Variants in GLIS3 observed in about 807,000 individuals in gnomAD.
GLIS3 encodes the protein GLIS family zinc finger 3.
Under a neutral mutation model 78.6 loss-of-function variants are expected in GLIS3, and 53 were observed. That is an observed-to-expected ratio of 0.67 (90% CI 0.54 to 0.85). GLIS3 has a LOEUF of 0.85. Among genes scored for constraint, GLIS3 ranks in the 40% least tolerant of loss-of-function variants. The probability of loss-of-function intolerance (pLI) is 0.00; values close to 1 mark genes in which losing one functional copy is unlikely to be tolerated. For missense variants in GLIS3, 1,703 were observed against 1,231.1 expected (o/e 1.38, Z -5.74); for synonymous variants, 684 against 509.9 (o/e 1.34, Z -4.60).
At chr9:3,940,788 C>G (rs1251623811) in intron 4 of GLIS3, among the ~76,000 whole-genome samples, 2 of 152,140 alleles carry the variant, frequency 1.3e-5, no homozygotes, top group African/African-American at 4.8e-5. Context: ...TATTCCATAC[C>G]AAGCTCCTTG....
upstream of GLIS3, among the ~76,000 whole-genome samples, chr9:4,304,983 A>C (rs1439072516): frequency 2.0e-5 from 3 of 152,218 alleles, no homozygotes; most frequent in Non-Finnish European, 4.4e-5. Flanking sequence ...CCCGGGTAAG[A>C]GTGTTGACTT....
At chr9:4,056,807 G>T (rs1184828447) in intron 4 of GLIS3, among the ~76,000 whole-genome samples, 1 of 151,624 alleles carries the variant, frequency 6.6e-6, no homozygotes, top group East Asian at 1.9e-4. Context: ...AAATATTAAT[G>T]GATAGGGAAA....
rs879335718 is a variant in GLIS3 at position 4,026,527 on chromosome 9, A to AATCT, written c.1711-89342_1711-89339dup. On this transcript the variant is annotated intron_variant, in intron 4 of 10. Coordinates refer to ENST00000381971, the MANE Select transcript of GLIS3 (RefSeq NM_001042413.2). ...GAGATGACCCAAAAAGGAGGAAAAA[A>AATCT]ATCTATCTATCTATCTATCTAAGTA... Among the ~76,000 whole-genome samples, 297 of 152,290 alleles carry AATCT rather than the reference A, an allele frequency of 2.0e-3. 1 individual carries two copies. Among genetic ancestry groups the AATCT allele is most frequent in the African/African-American group, 5.5e-3 (230 of 41,542 alleles).
In GLIS3 at chr9:3,857,872, TG is replaced by T. The variant is rs577043030; in HGVS notation, c.2298-1689del. The stretch of plus-strand genomic sequence containing the variant: ...GATTCCTCATATGAAGGCTATTTTC[TG>T]GGGGAACGTGTTTTTAACGTGTCTT... On this transcript the variant is annotated intron_variant, in intron 8 of 10. Coordinates refer to ENST00000381971, the MANE Select transcript of GLIS3 (RefSeq NM_001042413.2). Among the ~76,000 whole-genome samples the T allele has an allele frequency of 2.0e-4, 31 of 152,294 alleles. No individual in the cohort carries two copies. In the East Asian group the frequency reaches 5.8e-3, roughly 28 times the overall value.
At chr9:4,139,393 G>A (rs1048073511) in intron 2 of GLIS3, among the ~76,000 whole-genome samples, 9 of 152,190 alleles carry the variant, frequency 5.9e-5, no homozygotes, top group Admixed American at 1.3e-4. Flanking sequence ...TCAAGGCCAC[G>A]AATCAAATTG....
intron 4 of GLIS3, among the ~76,000 whole-genome samples, chr9:4,073,669 T>G (rs968299465): frequency 6.6e-6 from 1 of 152,202 alleles, no homozygotes; most frequent in Non-Finnish European, 1.5e-5. Flanking sequence ...TCCCTAACCC[T>G]GACCAGGACA....
chr9:4,010,757 T>C (rs1821938136), intron 4 of GLIS3, among the ~76,000 whole-genome samples: 1 of 152,186 alleles, frequency 6.6e-6, no homozygotes, highest in Non-Finnish European at 1.5e-5. Flanking sequence ...TTCTAATAGT[T>C]CTGTAAGGCA....
intron 2 of GLIS3, among the ~76,000 whole-genome samples, chr9:4,247,204 A>G (rs1017204659): frequency 2.0e-5 from 3 of 152,212 alleles, no homozygotes. Flanking sequence ...AACTACTTGA[A>G]TTCTCTTAAT....
intron 4 of GLIS3, among the ~76,000 whole-genome samples, chr9:4,012,978 G>T (rs1424024362): frequency 6.6e-6 from 1 of 151,782 alleles, no homozygotes; most frequent in Non-Finnish European, 1.5e-5. Context: ...TTGCCATGTT[G>T]GCCAGGCTGG....
chr9:4,330,404 T>C (rs1162966332), intron 2 of GLIS3, among the ~76,000 whole-genome samples: 1 of 152,262 alleles, frequency 6.6e-6, no homozygotes, highest in Non-Finnish European at 1.5e-5. Context: ...CTGATGCTAT[T>C]GGTCCAAGGA....
intron 9 of GLIS3, among the ~76,000 whole-genome samples, chr9:3,836,848 T>G (rs1818383486): frequency 6.6e-6 from 1 of 152,186 alleles, no homozygotes; most frequent in African/African-American, 2.4e-5. Context: ...TCCATACTTC[T>G]GCTGTTCGTC....
chr9:4,280,567 C>G (rs924928298), intron 2 of GLIS3, among the ~76,000 whole-genome samples: 2 of 152,006 alleles, frequency 1.3e-5, no homozygotes, highest in Non-Finnish European at 2.9e-5. Context: ...CCAGATCAAA[C>G]TTTAAAAAAT....
intron 4 of GLIS3, among the ~76,000 whole-genome samples, chr9:3,953,762 T>TCG (rs1563886228): frequency 1.6e-4 from 11 of 70,738 alleles, no homozygotes; most frequent in Admixed American, 3.2e-4. Context: ...TTAGATTTGC[T>TCG]CTCTCTCTCT....
chr9:4,393,901 A>G, the GLIS3 span, among the ~76,000 whole-genome samples: 1 of 152,164 alleles, frequency 6.6e-6, no homozygotes. Context: ...CCAGTAATAT[A>G]ATGATCCTTT....
At chr9:4,210,722 G>A (rs73400405) in intron 2 of GLIS3, among the ~76,000 whole-genome samples, 7,283 of 152,292 alleles carry the variant, frequency 0.048, 579 homozygotes, top group African/African-American at 0.17. Flanking sequence ...AAGGAAGCAG[G>A]GTACCTGCAG....
intron 2 of GLIS3, among the ~76,000 whole-genome samples, chr9:4,321,810 G>A (rs1422936329): frequency 6.6e-6 from 1 of 152,064 alleles, no homozygotes; most frequent in Non-Finnish European, 1.5e-5. Flanking sequence ...CCGGATTCAA[G>A]TGATTCTCAT....
the GLIS3 span, among the ~76,000 whole-genome samples, chr9:4,474,678 T>C: frequency 6.6e-6 from 1 of 150,934 alleles, no homozygotes; most frequent in Non-Finnish European, 1.5e-5. Context: ...TTTTTACTTT[T>C]AATGTGAAGT....
At chr9:3,835,878 A>G (rs1473948160) in intron 9 of GLIS3, among the ~76,000 whole-genome samples, 1 of 152,232 alleles carries the variant, frequency 6.6e-6, no homozygotes, top group African/African-American at 2.4e-5. Flanking sequence ...TGGTAAATAA[A>G]TCACACTCCA....
intron 2 of GLIS3, among the ~76,000 whole-genome samples, chr9:4,160,107 GAAAT>G (rs2131078396): frequency 1.3e-5 from 2 of 152,324 alleles, no homozygotes; most frequent in Non-Finnish European, 2.9e-5. Context: ...TAGCCTGCTA[GAAAT>G]ACTTTCCACT....
Sources: gnomAD v4.1 joint callset for allele counts (sites outside exome capture counted in the v4.1 genomes callset) on GRCh38, gnomAD v4.1.1 for gene constraint, MANE v1.5 for transcripts, NCBI Gene and HGNC (gene_info 2026-07-23, HGNC 2026-07-21) for gene names.